The following PRR11 variants were observed in gnomAD, a reference collection of about 807,000 sequenced individuals.
PRR11 encodes the protein proline rich 11.
PRR11 carries 30 observed loss-of-function variants against 45.6 expected under a neutral mutation model. That is an observed-to-expected ratio of 0.66 (90% CI 0.49 to 0.89). The LOEUF (loss-of-function observed/expected upper bound fraction) is 0.89. Ranked by LOEUF, PRR11 falls within the 40% of genes least tolerant of loss-of-function variation. The pLI is 0.00. For missense variants in PRR11, 373 were observed against 424.8 expected (o/e 0.88, Z 1.07); for synonymous variants, 128 against 153.5 (o/e 0.83, Z 1.23).
rs149716559 is a variant in PRR11, at chr17:59,197,752, C to T, written c.977C>T (p.Thr326Ile). 13 of 1,613,976 alleles carry T rather than the reference C, an allele frequency of 8.1e-6. No individual in the cohort carries two copies. In the African/African-American group the frequency reaches 1.7e-4, roughly 22 times the overall value. ...AATATGGAAACAGGAACAGGACTGA[C>T]TCCAGTGATGACGCAGGCCTTAAGG... The part of the protein sequence containing the change: ...KENMETGTGL[T>I]PVMTQALRRK... Residue 326 changes from threonine to isoleucine, a missense_variant, in exon 9 of 10, where the codon ACT (threonine) becomes ATT (isoleucine). Thr to Ile is a moderately conservative substitution (Grantham distance 89). Coordinates refer to ENST00000262293, the MANE Select transcript of PRR11 (RefSeq NM_018304.4).
chr17:59,157,948 G>A (rs914864443), intron 1 of PRR11, among the ~76,000 whole-genome samples: 5 of 152,130 alleles, frequency 3.3e-5, no homozygotes, highest in South Asian at 2.1e-4. Context: ...AGTACAAACC[G>A]CTAGTCACTA....
rs774669271 is a variant in PRR11, at chr17:59,203,207, T to C, written c.*1576T>C. On this transcript the variant is annotated 3_prime_UTR_variant, in exon 10 of 10. Transcript: ENST00000262293. ...TGAGACCCACATCTATATATAGAGA[T>C]TTTTGTTTGTTTGTTTGTTTGTTTT... 1.1e-4 allele frequency among the ~76,000 whole-genome samples: 16 copies of C among 151,880 alleles called. No individual in the cohort carries two copies. The highest frequency in any genetic ancestry group is 1.9e-4 in the Non-Finnish European group (13 of 67,966).
At chr17:59,181,187 A>G (rs2147846452) in intron 2 of PRR11, among the ~76,000 whole-genome samples, 1 of 151,220 alleles carries the variant, frequency 6.6e-6, no homozygotes, top group South Asian at 2.1e-4. Flanking sequence ...ACTGTGTTTC[A>G]CCATGTTAGC....
rs370241546 is a variant in PRR11 at position 59,197,718 on chromosome 17, A to G, written c.943A>G (p.Asn315Asp). Residue 315 changes from asparagine (N) to aspartate (D), a missense_variant, in exon 9 of 10, where the codon AAT becomes GAT. Physicochemically the swap from Asn to Asp is conservative, Grantham distance 23 (BLOSUM62 1). Transcript: ENST00000262293. ...ERSPGGTPLTNKENMETGTGL... is the reference protein window; with the variant it reads ...ERSPGGTPLTDKENMETGTGL... The stretch of plus-strand genomic sequence containing the variant: ...GAGCCCAGGTGGAACCCCTCTTACC[A>G]ATAAGGAAAATATGGAAACAGGAAC... 32 of 1,614,046 alleles carry G rather than the reference A, an allele frequency of 2.0e-5. No individual in the cohort carries two copies. In the African/African-American group the frequency reaches 4.3e-4, roughly 22 times the overall value.
At chr17:59,179,972 A>T in intron 2 of PRR11, 1 of 1,181,356 alleles carries the variant, frequency 8.5e-7, no homozygotes, top group East Asian at 2.7e-5. Flanking sequence ...CATCCTCCCC[A>T]GCCTCGCAGA....
chr17:59,178,550 T>C (rs1795577024), intron 2 of PRR11: 1 of 526,530 alleles, frequency 1.9e-6, no homozygotes, highest in Admixed American at 1.9e-5. Flanking sequence ...AGAGAGTAGA[T>C]GTCAGCTTGA....
chr17:59,170,707 T>C (rs2046703522), intron 2 of PRR11, among the ~76,000 whole-genome samples: 1 of 152,204 alleles, frequency 6.6e-6, no homozygotes, highest in African/African-American at 2.4e-5. Flanking sequence ...GTGTGAGCAC[T>C]GTACCCACCC....
rs9914425 is a variant in PRR11, at chr17:59,169,888, T to A, written c.128+8T>A. ...ACCACCCTCACCAGAAAGGTAAGGC[T>A]TAATGTGGAACAGAAAAAATATTAG... On this transcript the variant is annotated splice_region_variant and intron_variant, in intron 2 of 9. Transcript: ENST00000262293. 0.17 allele frequency: 271,997 copies of A among 1,587,506 alleles called. 28,600 individuals carry two copies. Among genetic ancestry groups the A allele is most frequent in the African/African-American group, 0.49 (35,527 of 73,056 alleles).
chr17:59,198,865 G>C (rs1025579697), intron 9 of PRR11, among the ~76,000 whole-genome samples: 1 of 151,948 alleles, frequency 6.6e-6, no homozygotes, highest in Admixed American at 6.6e-5. Context: ...ACTATAGGTA[G>C]GATTATCATG....
intron 9 of PRR11, among the ~76,000 whole-genome samples, chr17:59,200,782 G>A (rs1159854937): frequency 6.6e-6 from 1 of 151,996 alleles, no homozygotes; most frequent in African/African-American, 2.4e-5. Flanking sequence ...GTGAGCCACC[G>A]GGCCCAGCCT....
rs1005044235 is a variant in PRR11, at chr17:59,155,771, C to A, written c.-40C>A. The A allele has an allele frequency of 5.6e-5, 9 of 160,426 alleles. No homozygotes were observed. The highest frequency in any genetic ancestry group is 9.7e-5 in the Non-Finnish European group (7 of 71,984). The allele number at this position is 160,426 out of a possible 1,614,324, so 9.9% of individuals were successfully genotyped here. A position where few individuals can be genotyped will look rare whatever the true frequency, so the allele number is the denominator to read the frequency against. The stretch of plus-strand genomic sequence containing the variant: ...CTTTATGGCGTGGGAGAGGCCACAG[C>A]CCGGACTCCATCGACTCCCCCGGCT... On this transcript the variant is annotated 5_prime_UTR_variant, in exon 1 of 10. Transcript: ENST00000262293.
Position 59,193,359 on chromosome 17 carries a change from T to C in PRR11, c.403-133T>C, listed in dbSNP as rs2046848472. 5.3e-6 allele frequency: 6 copies of C among 1,126,532 alleles called. No individual in the cohort carries two copies. In the South Asian group the frequency reaches 6.3e-5, roughly 12 times the overall value. The allele number at this position is 1,126,532 out of a possible 1,614,324, so 69.8% of individuals were successfully genotyped here. On this transcript the variant is annotated intron_variant, in intron 4 of 9. Transcript: ENST00000262293. Reference sequence around the variant, plus strand: ...AAATGAAGAAACTTATGATTATAAATGAGAAAATATCAGGAAGCACATGGT... The same window carrying C: ...AAATGAAGAAACTTATGATTATAAACGAGAAAATATCAGGAAGCACATGGT...
At chr17:59,157,760 T>C (rs952127616) in intron 1 of PRR11, among the ~76,000 whole-genome samples, 1 of 151,972 alleles carries the variant, frequency 6.6e-6, no homozygotes, top group Non-Finnish European at 1.5e-5. Flanking sequence ...TTGTTCAGGA[T>C]TGTATGCCAG....
chr17:59,175,251 A>G, intron 2 of PRR11: 1 of 327,490 alleles, frequency 3.1e-6, no homozygotes, highest in Non-Finnish European at 5.9e-6. Flanking sequence ...CACCCTGCAG[A>G]ACCATGCCTT....
In PRR11 at chr17:59,205,565, A is replaced by G. The variant is rs933629963; in HGVS notation, c.*3934A>G. Among the ~76,000 whole-genome samples, 3 of 148,448 alleles carry G rather than the reference A, an allele frequency of 2.0e-5. No individual in the cohort carries two copies. The highest frequency in any genetic ancestry group is 3.0e-5 in the Non-Finnish European group (2 of 67,334). The stretch of plus-strand genomic sequence containing the variant: ...AAAAATACAAAAATTAGCCGGGCAT[A>G]GTGGCAGACACCTGTAATCCCAGCT... On this transcript the variant is annotated 3_prime_UTR_variant, in exon 10 of 10. Transcript: ENST00000262293.
intron 4 of PRR11, 95 bp downstream of exon 4, chr17:59,185,657 A>G: frequency 8.8e-7 from 1 of 1,138,182 alleles, no homozygotes; most frequent in Non-Finnish European, 1.2e-6. Context: ...TCAAGTCATA[A>G]GATTTATATC....
chr17:59,182,680 A>T (rs1338372445), intron 2 of PRR11, among the ~76,000 whole-genome samples: 1 of 152,114 alleles, frequency 6.6e-6, no homozygotes, highest in East Asian at 1.9e-4. Flanking sequence ...GGTGTGAGCC[A>T]CTGCACCTGG....
intron 2 of PRR11, among the ~76,000 whole-genome samples, chr17:59,173,361 T>C (rs1248989229): frequency 2.0e-5 from 3 of 152,192 alleles, no homozygotes; most frequent in East Asian, 1.9e-4. Flanking sequence ...ACTTTCACGC[T>C]GTGGAAGGTT....
At chr17:59,198,004 A>C (rs1044321833) in intron 9 of PRR11, 1 of 516,740 alleles carries the variant, frequency 1.9e-6, no homozygotes, top group African/African-American at 1.9e-5. Flanking sequence ...AGTTCCAGCT[A>C]CTTGGGAAGC....
Sources: gnomAD v4.1 joint callset for allele counts (sites outside exome capture counted in the v4.1 genomes callset) on GRCh38, gnomAD v4.1.1 for gene constraint, MANE v1.5 for transcripts, NCBI Gene and HGNC (gene_info 2026-07-23, HGNC 2026-07-21) for gene names.